Variants in SLC46A3 observed in about 807,000 individuals in gnomAD.
SLC46A3 encodes the protein lysosomal proton-coupled steroid conjugate and bile acid symporter SLC46A3.
A neutral mutation model predicts 38.5 loss-of-function variants in SLC46A3; 26 were observed. That is an observed-to-expected ratio of 0.68 (90% CI 0.49 to 0.94). The LOEUF (loss-of-function observed/expected upper bound fraction) is 0.94, where lower values mean the gene tolerates loss of function less well. Ranked by LOEUF, SLC46A3 falls within the 40% of genes least tolerant of loss-of-function variation. The pLI is 0.00. For missense variants in SLC46A3, 510 were observed against 544.3 expected (o/e 0.94, Z 0.63); for synonymous variants, 185 against 192.5 (o/e 0.96, Z 0.32).
chr13:28,710,043 T>C (rs1422693625), intron 4 of SLC46A3, among the ~76,000 whole-genome samples: 1 of 152,186 alleles, frequency 6.6e-6, no homozygotes, highest in African/African-American at 2.4e-5. Context: ...TATTATGCCT[T>C]CCTACTGTGA....
chr13:28,701,350 T>C lies in SLC46A3; in HGVS notation c.*147A>G. The C allele has an allele frequency of 1.4e-6, 2 of 1,437,734 alleles. No individual in the cohort carries two copies. The highest frequency in any genetic ancestry group is 1.8e-6 in the Non-Finnish European group (2 of 1,096,708). The allele number at this position is 1,437,734 out of a possible 1,614,324, so 89.1% of individuals were successfully genotyped here. ...ACCACAAGAAGCTAAAGCCAGGAGC[T>C]GTCTCTCTGACTGTTCAGTTTAGAA... On this transcript the variant is annotated 3_prime_UTR_variant, in exon 6 of 6. Coordinates refer to ENST00000266943, the MANE Select transcript of SLC46A3 (RefSeq NM_181785.4).
At chr13:28,714,570 A>G (rs1437198236) in intron 2 of SLC46A3, among the ~76,000 whole-genome samples, 4 of 152,116 alleles carry the variant, frequency 2.6e-5, no homozygotes, top group Non-Finnish European at 5.9e-5. Context: ...CCAACATGGC[A>G]AAACCCTGTC....
intron 5 of SLC46A3, among the ~76,000 whole-genome samples, chr13:28,702,588 G>A (rs1263844177): frequency 6.6e-6 from 1 of 152,096 alleles, no homozygotes; most frequent in African/African-American, 2.4e-5. Flanking sequence ...GTGCTTACCA[G>A]CACAGCATGT....
intron 2 of SLC46A3, 135 bp downstream of exon 2, chr13:28,717,675 C>T (rs937940894): frequency 7.9e-6 from 6 of 757,474 alleles, no homozygotes; most frequent in Non-Finnish European, 1.3e-5. Flanking sequence ...CAGTAAAGGC[C>T]ATTAGGTTTG....
At position 28,717,879 on chromosome 13, in the gene SLC46A3, A is replaced by G. The variant is rs1885577406; in HGVS notation, c.120T>C (p.Thr40=). The stretch of plus-strand genomic sequence containing the variant: ...CAGAAATATTGCTATCAGATGAAAA[A>G]GTGTAGTTGCCAGTTTCTTCCCATA... The part of the protein sequence containing the change: ...RRIWEETGNY[T]FSSDSNISEC... Residue 40 remains threonine, a synonymous_variant, in exon 2 of 6, where the codon ACT becomes ACC. Transcript: ENST00000266943. The G allele has an allele frequency of 6.2e-7, 1 of 1,613,992 alleles. No individual in the cohort carries two copies. Among genetic ancestry groups the G allele is most frequent in the African/African-American group, 1.3e-5 (1 of 74,902 alleles).
At chr13:28,704,908 C>T (rs906963927) in intron 4 of SLC46A3, among the ~76,000 whole-genome samples, 4 of 152,206 alleles carry the variant, frequency 2.6e-5, no homozygotes, top group African/African-American at 9.6e-5. Flanking sequence ...GTAGGCCACT[C>T]AGCATTGTTC....
Position 28,717,659 on chromosome 13 carries a change from A to G in SLC46A3, c.189+151T>C, listed in dbSNP as rs1885568557. ...GTGTCAGGAAACTTCAAATGAGGTG[A>G]GTTCCCAGTAAAGGCCATTAGGTTT... On this transcript the variant is annotated intron_variant, in intron 2 of 5. Coordinates refer to ENST00000266943, the MANE Select transcript of SLC46A3 (RefSeq NM_181785.4). 1.4e-5 allele frequency: 9 copies of G among 649,828 alleles called. No individual in the cohort carries two copies. In the South Asian group the frequency reaches 2.0e-4, roughly 14 times the overall value. 40.3% of individuals were successfully genotyped at this position (649,828 alleles called of 1,614,324 possible). A position where few individuals can be genotyped will look rare whatever the true frequency, so the allele number is the denominator to read the frequency against.
chr13:28,718,643 C>G lies in SLC46A3; in HGVS notation c.-172G>C, dbSNP rs1227652562. The G allele has an allele frequency of 1.3e-5, 2 of 152,324 alleles. No homozygotes were observed. The highest frequency in any genetic ancestry group is 2.9e-5 in the Non-Finnish European group (2 of 68,114). 9.4% of individuals were successfully genotyped at this position (152,324 alleles called of 1,614,324 possible). On this transcript the variant is annotated 5_prime_UTR_variant, in exon 1 of 6. Transcript: ENST00000266943. ...GAGGACGCGCCGGGGACAGTAACCTCGGACTACGCGGCCGGCGCTGGGGTG... is the reference window on the plus strand; with the variant it reads ...GAGGACGCGCCGGGGACAGTAACCTGGGACTACGCGGCCGGCGCTGGGGTG...
chr13:28,712,524 C>A, intron 3 of SLC46A3, 156 bp downstream of exon 3: 3 of 629,802 alleles, frequency 4.8e-6, no homozygotes, highest in Non-Finnish European at 6.9e-6. Context: ...CGGCTTTTGG[C>A]TTATTGACTC....
At chr13:28,718,064 C>T in intron 1 of SLC46A3, 42 bp from the exon 2 acceptor site, 1 of 1,515,076 alleles carries the variant, frequency 6.6e-7, no homozygotes, top group East Asian at 2.3e-5. Context: ...TGTCTCATCC[C>T]AGAGGCTAGA....
chr13:28,705,448 T>C (rs78797875), intron 4 of SLC46A3, among the ~76,000 whole-genome samples: 1,645 of 152,364 alleles, frequency 0.011, 25 homozygotes, highest in African/African-American at 0.037. Context: ...TTATTGTACA[T>C]ATTCTCATAT....
chr13:28,706,083 T>G (rs1239522315), intron 4 of SLC46A3, among the ~76,000 whole-genome samples: 2 of 152,240 alleles, frequency 1.3e-5, no homozygotes, highest in Non-Finnish European at 2.9e-5. Context: ...TTCTGTTTTT[T>G]TTTAATGCAA....
intron 5 of SLC46A3, among the ~76,000 whole-genome samples, chr13:28,701,919 G>A (rs1206759715): frequency 1.3e-5 from 2 of 152,060 alleles, no homozygotes; most frequent in Non-Finnish European, 2.9e-5. Flanking sequence ...GACATTTGGA[G>A]GTAAGACAGT....
intron 5 of SLC46A3, among the ~76,000 whole-genome samples, chr13:28,703,329 T>C (rs553490963): frequency 3.9e-5 from 6 of 152,202 alleles, no homozygotes; most frequent in African/African-American, 7.2e-5. Flanking sequence ...GTCAATCTCA[T>C]TACAGCAATC....
intron 5 of SLC46A3, among the ~76,000 whole-genome samples, chr13:28,703,432 G>A (rs950205234): frequency 2.6e-5 from 4 of 152,162 alleles, no homozygotes; most frequent in South Asian, 2.1e-4. Context: ...TGGTTTAAAG[G>A]TGGGGAGTTA....
chr13:28,716,766 C>G (rs921458655), intron 2 of SLC46A3, among the ~76,000 whole-genome samples: 1 of 152,172 alleles, frequency 6.6e-6, no homozygotes, highest in African/African-American at 2.4e-5. Flanking sequence ...CCTGACACCT[C>G]GGGAAGTGCT....
Position 28,712,761 on chromosome 13 carries a change from T to C in SLC46A3, c.979A>G (p.Met327Val). The C allele has an allele frequency of 6.2e-7, 1 of 1,612,688 alleles. No homozygotes were observed. Among genetic ancestry groups the C allele is most frequent in the Non-Finnish European group, 8.5e-7 (1 of 1,179,676 alleles). ...LFSYCMEDIHMAFIGIFTTMT... is the reference protein window; with the variant it reads ...LFSYCMEDIHVAFIGIFTTMT... ...GTGGTAAAAATCCCAATGAAGGCCATATGAATATCTTCCATACAATAAGAA... is the reference window on the plus strand; with the variant it reads ...GTGGTAAAAATCCCAATGAAGGCCACATGAATATCTTCCATACAATAAGAA... The change falls in exon 3 of 6, where the codon ATG becomes GTG. Residue 327 changes from methionine (M) to valine (V), a missense_variant. By Grantham distance (21) the Met-to-Val change is conservative. Coordinates refer to ENST00000266943, the MANE Select transcript of SLC46A3 (RefSeq NM_181785.4).
chr13:28,703,688 A>G, intron 5 of SLC46A3: 1 of 221,874 alleles, frequency 4.5e-6, no homozygotes, highest in East Asian at 8.6e-5. Context: ...TTTAATTAAA[A>G]AAATTTATTT....
intron 2 of SLC46A3, among the ~76,000 whole-genome samples, chr13:28,715,073 G>A (rs1885489734): frequency 6.6e-6 from 1 of 152,172 alleles, no homozygotes; most frequent in African/African-American, 2.4e-5. Context: ...CGATGGTGGT[G>A]CCTCCTGGGA....
Sources: gnomAD v4.1 joint callset for allele counts (sites outside exome capture counted in the v4.1 genomes callset) on GRCh38, gnomAD v4.1.1 for gene constraint, MANE v1.5 for transcripts, NCBI Gene and HGNC (gene_info 2026-07-23, HGNC 2026-07-21) for gene names.